The following ZNF469 variants were observed in gnomAD, a reference collection of about 807,000 sequenced individuals.
ZNF469 encodes zinc finger protein 469.
A neutral mutation model predicts 1.0 loss-of-function variants in ZNF469; 1 was observed. That is an observed-to-expected ratio of 1.00 (90% CI 0.35 to 4.73). The LOEUF (loss-of-function observed/expected upper bound fraction) is 4.73, where lower values mean the gene tolerates loss of function less well. Among genes scored for constraint, ZNF469 ranks in the 30% most tolerant of loss-of-function variants. The pLI, the probability that ZNF469 is intolerant of heterozygous loss-of-function variation, is 0.16. For missense variants in ZNF469, 6,100 were observed against 5,356.3 expected, an observed-to-expected ratio of 1.14 and a Z score of -4.33; for synonymous variants, 2,703 against 2,363.4, an observed-to-expected ratio of 1.14 and a Z score of -4.17.
intron 1 of ZNF469, among the ~76,000 whole-genome samples, chr16:88,395,364 G>A (rs1904629270): frequency 6.6e-6 from 1 of 150,580 alleles, no homozygotes. Context: ...TGGATGGATG[G>A]GTGGATGGCT....
chr16:88,374,928 C>T, the ZNF469 span, among the ~76,000 whole-genome samples: 63 of 152,334 alleles, frequency 4.1e-4, no homozygotes, highest in South Asian at 1.7e-3. Context: ...CCTGAGCAAA[C>T]GCCTGGCAGC....
the ZNF469 span, among the ~76,000 whole-genome samples, chr16:88,159,588 C>T: frequency 2.6e-5 from 4 of 152,104 alleles, no homozygotes; most frequent in East Asian, 3.9e-4. Flanking sequence ...CCCGCATTCT[C>T]GTCTCTAAAT....
the ZNF469 span, among the ~76,000 whole-genome samples, chr16:88,251,025 C>A: frequency 6.6e-6 from 1 of 152,094 alleles, no homozygotes; most frequent in Non-Finnish European, 1.5e-5. Flanking sequence ...CTACAGGCAC[C>A]TGCCAACACA....
intron 1 of ZNF469, among the ~76,000 whole-genome samples, chr16:88,406,998 T>A (rs1905043509): frequency 6.6e-6 from 1 of 152,184 alleles, no homozygotes; most frequent in Admixed American, 6.5e-5. Context: ...AGCATAAACA[T>A]GTTTTAAGAG....
chr16:88,232,348 T>C, the ZNF469 span, among the ~76,000 whole-genome samples: 1 of 152,190 alleles, frequency 6.6e-6, no homozygotes, highest in South Asian at 2.1e-4. Context: ...GGCTGGTCAA[T>C]GAGAGAGACA....
At chr16:88,382,139 G>A (rs1312107788), upstream of ZNF469, among the ~76,000 whole-genome samples, 1 of 152,254 alleles carries the variant, frequency 6.6e-6, no homozygotes, top group Non-Finnish European at 1.5e-5. Context: ...TCCGTCCCCA[G>A]ATGCTGCCCG....
chr16:88,115,213 G>T, the ZNF469 span, among the ~76,000 whole-genome samples: 1 of 152,156 alleles, frequency 6.6e-6, no homozygotes, highest in Non-Finnish European at 1.5e-5. Flanking sequence ...GTGGCAGGAA[G>T]CACACCAAAA....
chr16:88,161,125 C>T, the ZNF469 span, among the ~76,000 whole-genome samples: 1,766 of 150,674 alleles, frequency 0.012, 50 homozygotes, highest in East Asian at 0.04. Context: ...CGCGCCATTG[C>T]ACTCCAGCCT....
rs1905785181 is a variant in ZNF469 at position 88,427,742 on chromosome 16, G to T, written c.272G>T (p.Gly91Val). The change falls in exon 3 of 3, where the codon GGC (glycine) becomes GTC (valine). Residue 91 changes from glycine to valine, a missense_variant. By Grantham distance (109) the Gly-to-Val change is moderately radical. Coordinates refer to ENST00000565624, the MANE Select transcript of ZNF469 (RefSeq NM_001367624.2). ...CCGAGCAGCACCCCTGGGAAGAGGGGCAGCCCCCAGACCCCACCGGGGAGA... is the reference window on the plus strand; with the variant it reads ...CCGAGCAGCACCCCTGGGAAGAGGGTCAGCCCCCAGACCCCACCGGGGAGA... ...QAPSSTPGKR[G>V]SPQTPPGRSP... The T allele has an allele frequency of 1.9e-6, 3 of 1,540,782 alleles. No homozygotes were observed. The highest frequency in any genetic ancestry group is 1.7e-4 in the Middle Eastern group (1 of 5,946).
the ZNF469 span, among the ~76,000 whole-genome samples, chr16:88,113,355 T>C: frequency 3.9e-5 from 6 of 152,348 alleles, no homozygotes; most frequent in East Asian, 3.9e-4. Context: ...TGGAAGAGAC[T>C]GTCCTTTCCC....
Position 88,431,916 on chromosome 16 carries a change from C to A in ZNF469, c.4446C>A (p.Phe1482Leu), listed in dbSNP as rs748790994. ...LSANRDSGLP[F>L]ACADPPQKTV... ...CGAACAGGGACTCCGGTCTGCCGTT[C>A]GCATGTGCCGACCCTCCCCAGAAGA... The change falls in exon 3 of 3, where the codon TTC becomes TTA. Residue 1482 changes from phenylalanine to leucine, a missense_variant. Physicochemically the swap from Phe to Leu is conservative, Grantham distance 22. Transcript: ENST00000565624. 1 of 1,549,596 alleles carries A rather than the reference C, an allele frequency of 6.5e-7. No individual in the cohort carries two copies.
At chr16:88,143,234 TC>T in the ZNF469 span, among the ~76,000 whole-genome samples, 2 of 152,178 alleles carry the variant, frequency 1.3e-5, no homozygotes, top group Admixed American at 6.5e-5. Context: ...TGCCTCAGTT[TC>T]CCCCTGTGTC....
chr16:88,434,146 T>TCCTCCTGG lies in ZNF469; in HGVS notation c.6686_6693dup (p.Ser2232LeufsTer8). On this transcript the variant is annotated frameshift_variant, in exon 3 of 3. Coordinates refer to ENST00000565624, the MANE Select transcript of ZNF469 (RefSeq NM_001367624.2). LOFTEE classifies it low-confidence loss of function (END_TRUNC). Reference sequence around the variant, plus strand: ...GGAGGGCAGCCCCCTGGAAGACCCTTCCTCCTGGCCTCCTGGCTCCGTCAG... The same window carrying TCCTCCTGG: ...GGAGGGCAGCCCCCTGGAAGACCCTTCCTCCTGGCCTCCTGGCCTCCTGGCTCCGTCAG... 1 of 1,550,210 alleles carries TCCTCCTGG rather than the reference T, an allele frequency of 6.5e-7. No individual in the cohort carries two copies. The highest frequency in any genetic ancestry group is 8.7e-7 in the Non-Finnish European group (1 of 1,146,930).
chr16:88,383,126 G>C lies in ZNF469; in HGVS notation c.-320G>C, dbSNP rs2092529604. 6.7e-6 allele frequency among the ~76,000 whole-genome samples: 1 copy of C among 148,394 alleles called. No homozygotes were observed. The highest frequency in any genetic ancestry group is 6.7e-5 in the Admixed American group (1 of 14,936). Reference sequence around the variant, plus strand: ...GGCAGAGCGGCTCGGTGCCCGGCGGGCGGGCGGCCCGGGCGGGCCTGCGGT... The same window carrying C: ...GGCAGAGCGGCTCGGTGCCCGGCGGCCGGGCGGCCCGGGCGGGCCTGCGGT... On this transcript the variant is annotated 5_prime_UTR_variant, in exon 1 of 3. Coordinates refer to ENST00000565624, the MANE Select transcript of ZNF469 (RefSeq NM_001367624.2).
At chr16:88,303,566 A>C in the ZNF469 span, among the ~76,000 whole-genome samples, 5 of 152,158 alleles carry the variant, frequency 3.3e-5, no homozygotes, top group Non-Finnish European at 7.3e-5. Context: ...TCAGAAGAAA[A>C]TCTCAGAACC....
Position 88,436,975 on chromosome 16 carries a change from C to G in ZNF469, c.9505C>G (p.Gln3169Glu). 6.6e-7 allele frequency: 1 copy of G among 1,508,762 alleles called. No homozygotes were observed. Among genetic ancestry groups the G allele is most frequent in the Non-Finnish European group, 8.8e-7 (1 of 1,130,252 alleles). 93.5% of individuals were successfully genotyped at this position (1,508,762 alleles called of 1,614,324 possible). ...GGGGCACCTGCAGGAGAGGCACGCG[C>G]AGAGCAAGGCCGGGCCCTGGGCGTG... is the stretch of plus-strand genomic sequence containing the variant. ...LRGHLQERHA[Q>E]SKAGPWACGM... Residue 3169 changes from glutamine (Q) to glutamate (E), a missense_variant, in exon 3 of 3, where the codon CAG becomes GAG. By Grantham distance (29) the Gln-to-Glu change is conservative (BLOSUM62 2). Transcript: ENST00000565624.
chr16:88,185,214 G>C, the ZNF469 span, among the ~76,000 whole-genome samples: 16 of 148,354 alleles, frequency 1.1e-4, no homozygotes, highest in Admixed American at 3.3e-4. Context: ...CCCACGCATA[G>C]ACACTCACAT....
chr16:88,423,253 A>AGATG, intron 1 of ZNF469, among the ~76,000 whole-genome samples: 1 of 128,932 alleles, frequency 7.8e-6, no homozygotes, highest in East Asian at 2.6e-4. Flanking sequence ...ATGGATGGAT[A>AGATG]GATGGATGGA....
chr16:88,135,227 C>T, the ZNF469 span, among the ~76,000 whole-genome samples: 1 of 152,248 alleles, frequency 6.6e-6, no homozygotes. Flanking sequence ...CATTTCTCCC[C>T]TCCTTTATCT....
Sources: gnomAD v4.1 joint callset for allele counts (sites outside exome capture counted in the v4.1 genomes callset) on GRCh38, gnomAD v4.1.1 for gene constraint, MANE v1.5 for transcripts, NCBI Gene and HGNC (gene_info 2026-07-23, HGNC 2026-07-21) for gene names.